The following PPP1R37 variants were observed in gnomAD, a reference collection of about 807,000 sequenced individuals.
PPP1R37 encodes leucine rich repeat containing 68.
Under a neutral mutation model 61.0 loss-of-function variants are expected in PPP1R37, and 21 were observed. The ratio of observed to expected loss-of-function variants is 0.34; its 90% CI spans 0.24 to 0.50. PPP1R37 has a LOEUF of 0.50. Ranked by LOEUF, PPP1R37 falls within the 20% of genes least tolerant of loss-of-function variation. The probability of loss-of-function intolerance (pLI) is 0.98; values close to 1 mark genes in which losing one functional copy is unlikely to be tolerated. For synonymous variants in PPP1R37, 443 were observed against 433.5 expected, an observed-to-expected ratio of 1.02 and a Z score of -0.27; for missense variants, 910 against 952.7, an observed-to-expected ratio of 0.96 and a Z score of 0.59.
chr19:45,133,551 T>C (rs999170029), intron 1 of PPP1R37, among the ~76,000 whole-genome samples: 2 of 152,200 alleles, frequency 1.3e-5, no homozygotes, highest in African/African-American at 4.8e-5. Flanking sequence ...AGCCCTTCCC[T>C]TTGGAACCTG....
intron 1 of PPP1R37, among the ~76,000 whole-genome samples, chr19:45,115,603 CCTAT>C (rs1485223324): frequency 6.6e-6 from 1 of 152,146 alleles, no homozygotes; most frequent in East Asian, 1.9e-4. Context: ...ATAAACCCTA[CCTAT>C]CTTAGGGTTG....
chr19:45,145,317 C>A (rs778913516), intron 10 of PPP1R37, 36 bp from the exon 11 acceptor site: 2 of 1,522,604 alleles, frequency 1.3e-6, no homozygotes, highest in Non-Finnish European at 1.8e-6. Context: ...GTGGTGGGGC[C>A]GGCCTGAGAG....
chr19:45,119,543 TTGA>T (rs1968313436), intron 1 of PPP1R37, among the ~76,000 whole-genome samples: 1 of 152,230 alleles, frequency 6.6e-6, no homozygotes, highest in African/African-American at 2.4e-5. Flanking sequence ...GGCTTCAGAA[TTGA>T]TGACTACATG....
At chr19:45,095,617 G>T (rs765196754) in intron 1 of PPP1R37, among the ~76,000 whole-genome samples, 22 of 152,148 alleles carry the variant, frequency 1.4e-4, no homozygotes, top group Non-Finnish European at 2.9e-4. Context: ...ACGAAAATTA[G>T]CCAGGTGTGG....
chr19:45,123,344 A>T (rs1177908177), intron 1 of PPP1R37, among the ~76,000 whole-genome samples: 1 of 152,130 alleles, frequency 6.6e-6, no homozygotes, highest in African/African-American at 2.4e-5. Flanking sequence ...TCCTGCAGGC[A>T]CCAGGAAGAA....
chr19:45,125,186 C>G (rs1317880903), intron 1 of PPP1R37, among the ~76,000 whole-genome samples: 3 of 152,028 alleles, frequency 2.0e-5, no homozygotes, highest in African/African-American at 7.2e-5. Flanking sequence ...TGAGCTTGGC[C>G]GGGCACAGTG....
chr19:45,099,332 AACTAAATC>A (rs1198569641), intron 1 of PPP1R37, among the ~76,000 whole-genome samples: 5 of 152,184 alleles, frequency 3.3e-5, no homozygotes, highest in Admixed American at 1.3e-4. Flanking sequence ...TCTGAGCTAA[AACTAAATC>A]AGCCTGTCTC....
chr19:45,124,353 G>A (rs1037112168), intron 1 of PPP1R37, among the ~76,000 whole-genome samples: 7 of 152,214 alleles, frequency 4.6e-5, no homozygotes, highest in African/African-American at 1.2e-4. Flanking sequence ...AAGAATTTGG[G>A]TGTGGCCAGA....
intron 1 of PPP1R37, among the ~76,000 whole-genome samples, chr19:45,111,425 C>G (rs372830300): frequency 6.6e-6 from 1 of 152,100 alleles, no homozygotes; most frequent in South Asian, 2.1e-4. Flanking sequence ...CAAGTGCGCA[C>G]CACCACACCC....
In PPP1R37 at chr19:45,142,165, G is replaced by A. The variant is rs997217292; in HGVS notation, c.672G>A (p.Leu224=). The change falls in exon 6 of 13, where the codon CTG becomes CTA. Residue 224 remains leucine (L), a synonymous_variant. Coordinates refer to ENST00000221462, the MANE Select transcript of PPP1R37 (RefSeq NM_019121.2). ...GCATCCGCAGCAGCCTGGCAGTGCT[G>A]CACTTGGAGAACGCCAGCCTGTCGG... ...ALRIRSSLAV[L]HLENASLSGR... The A allele has an allele frequency of 2.6e-6, 4 of 1,535,204 alleles. No individual in the cohort carries two copies. In the African/African-American group the frequency reaches 5.5e-5, roughly 21 times the overall value.
intron 1 of PPP1R37, among the ~76,000 whole-genome samples, chr19:45,111,870 T>G (rs79043847): frequency 6.6e-6 from 1 of 152,188 alleles, no homozygotes; most frequent in Non-Finnish European, 1.5e-5. Context: ...TTATCAACCA[T>G]GTCTGCATGC....
chr19:45,101,769 G>C (rs1968066674), intron 1 of PPP1R37, among the ~76,000 whole-genome samples: 1 of 152,186 alleles, frequency 6.6e-6, no homozygotes, highest in African/African-American at 2.4e-5. Context: ...CCTGTGTGGA[G>C]GTGACATGAA....
At chr19:45,108,488 G>A (rs549498391) in intron 1 of PPP1R37, among the ~76,000 whole-genome samples, 3 of 152,004 alleles carry the variant, frequency 2.0e-5, no homozygotes, top group East Asian at 1.9e-4. Flanking sequence ...AATTGCAGGC[G>A]TGAGTCACTG....
chr19:45,107,328 G>A (rs571354928), intron 1 of PPP1R37, among the ~76,000 whole-genome samples: 4 of 151,920 alleles, frequency 2.6e-5, no homozygotes, highest in East Asian at 1.9e-4. Context: ...GGAGCCAGGC[G>A]CAGTGGCTCA....
intron 1 of PPP1R37, among the ~76,000 whole-genome samples, chr19:45,104,599 C>A (rs1219483097): frequency 6.6e-6 from 1 of 152,202 alleles, no homozygotes; most frequent in African/African-American, 2.4e-5. Context: ...GCTCCCTCTC[C>A]AACCCGCTCC....
intron 1 of PPP1R37, among the ~76,000 whole-genome samples, chr19:45,122,873 C>T (rs1300508684): frequency 2.0e-5 from 3 of 152,134 alleles, no homozygotes; most frequent in Non-Finnish European, 4.4e-5. Flanking sequence ...ATAAGCAGGA[C>T]CTTGACCCCT....
intron 7 of PPP1R37, 35 bp downstream of exon 7, chr19:45,142,493 A>C: frequency 6.5e-7 from 1 of 1,529,808 alleles, no homozygotes; most frequent in Non-Finnish European, 8.8e-7. Context: ...CACACCCGTC[A>C]CCCAGCACCC....
intron 1 of PPP1R37, among the ~76,000 whole-genome samples, chr19:45,106,962 G>T (rs531447328): frequency 6.6e-6 from 1 of 150,678 alleles, no homozygotes; most frequent in Admixed American, 6.6e-5. Flanking sequence ...GACTACAGGC[G>T]CCCGCCACCA....
chr19:45,141,654 T>A (rs1484287326), intron 5 of PPP1R37, among the ~76,000 whole-genome samples: 1 of 152,216 alleles, frequency 6.6e-6, no homozygotes, highest in Non-Finnish European at 1.5e-5. Flanking sequence ...GCGAGGCATT[T>A]CATGACCTCC....
Sources: allele counts gnomAD v4.1 joint callset (sites outside exome capture counted in the v4.1 genomes callset), GRCh38; gene constraint gnomAD v4.1.1; transcripts MANE v1.5; gene names NCBI Gene and HGNC (gene_info 2026-07-23, HGNC 2026-07-21).